PRTFDC1: variants seen among roughly 807,000 people sequenced by gnomAD.
The protein encoded by PRTFDC1 is phosphoribosyltransferase domain-containing protein 1.
A neutral mutation model predicts 34.6 loss-of-function variants in PRTFDC1; 38 were observed. The observed-to-expected ratio is 1.10, with a 90% confidence interval of 0.85 to 1.44. The LOEUF (loss-of-function observed/expected upper bound fraction) is 1.44, where lower values mean the gene tolerates loss of function less well. PRTFDC1 is among the 40% of genes most tolerant of loss of function. The probability of loss-of-function intolerance (pLI) is 0.00; values close to 1 mark genes in which losing one functional copy is unlikely to be tolerated. For synonymous variants in PRTFDC1, 93 were observed against 98.1 expected, an observed-to-expected ratio of 0.95 and a Z score of 0.31; for missense variants, 270 against 283.0, an observed-to-expected ratio of 0.95 and a Z score of 0.33.
intron 4 of PRTFDC1, among the ~76,000 whole-genome samples, chr10:24,870,516 C>T (rs550002989): frequency 6.6e-6 from 1 of 152,242 alleles, no homozygotes; most frequent in South Asian, 2.1e-4. Flanking sequence ...GTGTAATAAA[C>T]CTGTAAGGCA....
At chr10:24,885,448 C>T (rs2132531525) in intron 3 of PRTFDC1, among the ~76,000 whole-genome samples, 1 of 152,294 alleles carries the variant, frequency 6.6e-6, no homozygotes, top group East Asian at 1.9e-4. Flanking sequence ...CTCTGTTGCC[C>T]AGGATGGAGT....
intron 3 of PRTFDC1, among the ~76,000 whole-genome samples, chr10:24,907,371 G>A (rs1025264796): frequency 6.6e-6 from 1 of 152,026 alleles, no homozygotes; most frequent in Non-Finnish European, 1.5e-5. Flanking sequence ...GAGGCGGGTG[G>A]ATCACTTGAG....
intron 4 of PRTFDC1, among the ~76,000 whole-genome samples, chr10:24,871,191 G>T (rs1427967394): frequency 1.3e-5 from 2 of 151,136 alleles, no homozygotes; most frequent in African/African-American, 4.9e-5. Flanking sequence ...ACGATAACAA[G>T]CACAAGTATG....
chr10:24,897,618 C>T (rs1386135145), intron 3 of PRTFDC1, among the ~76,000 whole-genome samples: 2 of 152,266 alleles, frequency 1.3e-5, no homozygotes, highest in East Asian at 1.9e-4. Context: ...AAATCCGGGG[C>T]TTCTTTGTAA....
In PRTFDC1 at chr10:24,937,164, C is replaced by T. The variant is rs760359831; in HGVS notation, c.339+20G>A. The stretch of plus-strand genomic sequence containing the variant: ...CATTGTTAAATGAAATGTCATAAAG[C>T]GGAACTTGTAATAACTTACCCTGTA... On this transcript the variant is annotated intron_variant, in intron 3 of 8. Transcript: ENST00000320152. 12 of 1,573,988 alleles carry T rather than the reference C, an allele frequency of 7.6e-6. No individual in the cohort carries two copies. Among genetic ancestry groups the T allele is most frequent in the South Asian group, 2.3e-5 (2 of 87,386 alleles).
At chr10:24,851,272 T>C in intron 8 of PRTFDC1, 116 bp downstream of exon 8, 2 of 1,421,656 alleles carry the variant, frequency 1.4e-6, no homozygotes, top group South Asian at 1.5e-5. Flanking sequence ...CTCACCATAC[T>C]CCTGACATAG....
intron 3 of PRTFDC1, among the ~76,000 whole-genome samples, chr10:24,874,735 T>A (rs55985845): frequency 0.057 from 8,627 of 152,270 alleles, 546 homozygotes; most frequent in African/African-American, 0.16. Context: ...CGTGTTTTTT[T>A]AAAATTTTTA....
intron 4 of PRTFDC1, among the ~76,000 whole-genome samples, chr10:24,869,681 T>C (rs1397875885): frequency 6.6e-6 from 1 of 151,692 alleles, no homozygotes; most frequent in East Asian, 1.9e-4. Flanking sequence ...TTTTTTTCAC[T>C]GTTCCACCTC....
chr10:24,878,195 C>T (rs1436265628), intron 3 of PRTFDC1, among the ~76,000 whole-genome samples: 1 of 151,990 alleles, frequency 6.6e-6, no homozygotes, highest in Non-Finnish European at 1.5e-5. Flanking sequence ...ATCGCTTGAA[C>T]CTGGGAGGTG....
At chr10:24,882,785 T>C (rs10741069) in intron 3 of PRTFDC1, among the ~76,000 whole-genome samples, 129,857 of 151,454 alleles carry the variant, frequency 0.86, 55,911 homozygotes, top group African/African-American at 0.93. Context: ...GGACTACAGG[T>C]GTGTGCCACC....
At chr10:24,859,633 T>C (rs1319491729) in intron 4 of PRTFDC1, among the ~76,000 whole-genome samples, 1 of 152,202 alleles carries the variant, frequency 6.6e-6, no homozygotes, top group African/African-American at 2.4e-5. Flanking sequence ...CCTGCGGAAC[T>C]GTGAGCCAAT....
chr10:24,936,160 A>G (rs571550910), intron 3 of PRTFDC1, among the ~76,000 whole-genome samples: 2 of 152,368 alleles, frequency 1.3e-5, no homozygotes, highest in East Asian at 1.9e-4. Context: ...GAATATTTTC[A>G]TGGTTTGACT....
chr10:24,894,349 G>A (rs113035670), intron 3 of PRTFDC1, among the ~76,000 whole-genome samples: 108 of 137,930 alleles, frequency 7.8e-4, no homozygotes, highest in African/African-American at 2.8e-3. Context: ...AAAAAAAAAA[G>A]AGAGAGAAAA....
chr10:24,857,915 C>CA (rs1158088350), intron 5 of PRTFDC1, among the ~76,000 whole-genome samples: 13 of 151,790 alleles, frequency 8.6e-5, no homozygotes, highest in Non-Finnish European at 1.8e-4. Flanking sequence ...AAACGAAAAA[C>CA]AAAAAAACAT....
Position 24,855,317 on chromosome 10 carries a change from C to G in PRTFDC1, c.553+1G>C, listed in dbSNP as rs773554795. 11 of 1,613,158 alleles carry G rather than the reference C, an allele frequency of 6.8e-6. No individual in the cohort carries two copies. Among genetic ancestry groups the G allele is most frequent in the Non-Finnish European group, 9.3e-6 (11 of 1,179,356 alleles). ...CAAACAAAAAACTGAAAAACACTTACAGTCAGGTCTAAAGCCGTCACTTCT... is the reference window on the plus strand; with the variant it reads ...CAAACAAAAAACTGAAAAACACTTAGAGTCAGGTCTAAAGCCGTCACTTCT... On this transcript the variant is annotated splice_donor_variant, in intron 7 of 8. Transcript: ENST00000320152. LOFTEE classifies it high-confidence loss of function.
At chr10:24,885,706 G>A (rs1457976746) in intron 3 of PRTFDC1, among the ~76,000 whole-genome samples, 6 of 152,190 alleles carry the variant, frequency 3.9e-5, no homozygotes. Context: ...CACCTGGCCA[G>A]CAGCTTTATT....
intron 4 of PRTFDC1, chr10:24,867,803 A>ATT (rs34324957): frequency 0.17 from 23,060 of 133,956 alleles, 2,183 homozygotes; most frequent in South Asian, 0.23. Context: ...TGTAGGTTTA[A>ATT]TTTTTTTTTT....
chr10:24,928,669 C>G (rs1848919240), intron 3 of PRTFDC1, among the ~76,000 whole-genome samples: 1 of 152,056 alleles, frequency 6.6e-6, no homozygotes. Flanking sequence ...GCCTGGAACT[C>G]CTGACCTCAG....
At chr10:24,893,206 T>C (rs1848294148) in intron 3 of PRTFDC1, among the ~76,000 whole-genome samples, 1 of 152,244 alleles carries the variant, frequency 6.6e-6, no homozygotes. Flanking sequence ...CTCTTAATAA[T>C]TAGATAGGCA....
Sources: gnomAD v4.1 joint callset for allele counts (sites outside exome capture counted in the v4.1 genomes callset) on GRCh38, gnomAD v4.1.1 for gene constraint, MANE v1.5 for transcripts, NCBI Gene and HGNC (gene_info 2026-07-23, HGNC 2026-07-21) for gene names.